Variants in GABRG3 observed in about 807,000 individuals in gnomAD.
The protein encoded by GABRG3 is gamma-aminobutyric acid receptor subunit gamma-3.
Under a neutral mutation model 48.8 loss-of-function variants are expected in GABRG3, and 25 were observed. That is an observed-to-expected ratio of 0.51 (90% CI 0.37 to 0.72). The LOEUF is 0.72. Ranked by LOEUF, GABRG3 falls within the 30% of genes least tolerant of loss-of-function variation. GABRG3 has a pLI of 0.00. For synonymous variants in GABRG3, 227 were observed against 217.6 expected, an observed-to-expected ratio of 1.04 and a Z score of -0.38; for missense variants, 394 against 577.9, an observed-to-expected ratio of 0.68 and a Z score of 3.26.
At chr15:27,214,694 ATTT>A (rs58631276) in intron 3 of GABRG3, among the ~76,000 whole-genome samples, 61 of 145,854 alleles carry the variant, frequency 4.2e-4, no homozygotes, top group Admixed American at 1.6e-3. Context: ...TCACATCCAC[ATTT>A]TTTTTTTTTT....
At chr15:27,291,477 A>G (rs936842639) in intron 3 of GABRG3, among the ~76,000 whole-genome samples, 4 of 152,226 alleles carry the variant, frequency 2.6e-5, no homozygotes, top group Non-Finnish European at 5.9e-5. Context: ...ATTCCCATCT[A>G]TGATCACTCC....
At chr15:27,351,003 TGTGTGTATG>T (rs1403044316) in intron 5 of GABRG3, among the ~76,000 whole-genome samples, 1 of 149,824 alleles carries the variant, frequency 6.7e-6, no homozygotes, top group African/African-American at 2.5e-5. Context: ...TGCATTTACT[TGTGTGTATG>T]GTGTGTATGA....
At chr15:27,370,607 A>G (rs1895377636) in intron 5 of GABRG3, among the ~76,000 whole-genome samples, 2 of 152,170 alleles carry the variant, frequency 1.3e-5, no homozygotes, top group African/African-American at 4.8e-5. Flanking sequence ...TCAGGAGACC[A>G]CCTCAGAGGA....
chr15:27,128,000 C>G (rs1897850775), intron 3 of GABRG3, among the ~76,000 whole-genome samples: 1 of 152,094 alleles, frequency 6.6e-6, no homozygotes, highest in Admixed American at 6.5e-5. Context: ...GGAAATGTGA[C>G]CTGGGTATGG....
rs576526296 is a variant in GABRG3, at chr15:27,539,528, C to T, written c.*6647C>T. The stretch of plus-strand genomic sequence containing the variant: ...TAACCCACTGTCAGCTTCCAATTTT[C>T]AGGAGCAAATGATGACTGCTTTGAT... On this transcript the variant is annotated 3_prime_UTR_variant, in exon 10 of 10. Transcript: ENST00000615808. The T allele has an allele frequency of 3.0e-4, 46 of 152,326 alleles. No individual in the cohort carries two copies. Among genetic ancestry groups the T allele is most frequent in the African/African-American group, 1.1e-3 (45 of 41,564 alleles). The allele number at this position is 152,326 out of a possible 1,614,324, so 9.4% of individuals were successfully genotyped here.
chr15:27,409,177 A>G (rs1349481247), intron 5 of GABRG3, among the ~76,000 whole-genome samples: 1 of 152,106 alleles, frequency 6.6e-6, no homozygotes, highest in East Asian at 1.9e-4. Flanking sequence ...CTAAAAATTC[A>G]TTGTCTAGAC....
chr15:27,453,648 C>G (rs1001934726), intron 5 of GABRG3, among the ~76,000 whole-genome samples: 2 of 152,194 alleles, frequency 1.3e-5, no homozygotes, highest in African/African-American at 2.4e-5. Context: ...GTCACCTAGG[C>G]TGGAGTGCAA....
chr15:27,528,054 T>C, intron 9 of GABRG3, 62 bp downstream of exon 9: 1 of 1,228,948 alleles, frequency 8.1e-7, no homozygotes, highest in Non-Finnish European at 1.2e-6. Context: ...AGATTGCATT[T>C]GAAAGATAGA....
intron 3 of GABRG3, among the ~76,000 whole-genome samples, chr15:27,116,296 G>A (rs778770421): frequency 2.0e-5 from 3 of 152,150 alleles, no homozygotes; most frequent in Admixed American, 6.5e-5. Flanking sequence ...CAAAGAGAGA[G>A]TTTTTGTCAT....
At chr15:27,308,397 A>ATAAACATTTGTTTAT (rs914699128) in intron 3 of GABRG3, among the ~76,000 whole-genome samples, 3 of 145,318 alleles carry the variant, frequency 2.1e-5, no homozygotes, top group Non-Finnish European at 4.5e-5. Context: ...ATAAACATAT[A>ATAAACATTTGTTTAT]ATATAAACAT....
chr15:27,248,599 C>T (rs1211329947), intron 3 of GABRG3, among the ~76,000 whole-genome samples: 1 of 152,112 alleles, frequency 6.6e-6, no homozygotes, highest in East Asian at 1.9e-4. Context: ...AAGTTAAATG[C>T]TCTGTCAGCC....
intron 2 of GABRG3, among the ~76,000 whole-genome samples, chr15:26,994,277 C>T (rs1895300476): frequency 6.6e-6 from 1 of 151,342 alleles, no homozygotes; most frequent in East Asian, 1.9e-4. Flanking sequence ...TGCAGTCTTC[C>T]TTTCCTTCCT....
chr15:27,520,147 C>T, intron 7 of GABRG3, 23 bp downstream of exon 7: 1 of 1,579,264 alleles, frequency 6.3e-7, no homozygotes, highest in Non-Finnish European at 8.6e-7. Flanking sequence ...AAATCTCTTC[C>T]ACAAATTTGC....
intron 3 of GABRG3, among the ~76,000 whole-genome samples, chr15:27,253,535 G>A (rs1890525135): frequency 6.6e-6 from 1 of 152,248 alleles, no homozygotes; most frequent in East Asian, 1.9e-4. Flanking sequence ...GTCCCTGGGA[G>A]TATTGATGCC....
chr15:27,150,074 A>G (rs1182108647), intron 3 of GABRG3, among the ~76,000 whole-genome samples: 1 of 152,098 alleles, frequency 6.6e-6, no homozygotes, highest in Non-Finnish European at 1.5e-5. Flanking sequence ...TCAATTAACT[A>G]CCCCTTACTC....
intron 2 of GABRG3, among the ~76,000 whole-genome samples, chr15:27,016,544 A>C (rs1241778466): frequency 2.0e-5 from 3 of 152,002 alleles, no homozygotes; most frequent in African/African-American, 7.2e-5. Flanking sequence ...ATTGTCTGTG[A>C]CTTTTGACAG....
chr15:27,353,323 TC>T (rs1894695227), intron 5 of GABRG3, among the ~76,000 whole-genome samples: 1 of 152,158 alleles, frequency 6.6e-6, no homozygotes, highest in African/African-American at 2.4e-5. Flanking sequence ...CGCATGTGTG[TC>T]CTACACTTGC....
chr15:27,064,038 C>G (rs1896696155), intron 3 of GABRG3, among the ~76,000 whole-genome samples: 1 of 152,188 alleles, frequency 6.6e-6, no homozygotes, highest in South Asian at 2.1e-4. Context: ...TTTGGAGACG[C>G]AGTAGATTCG....
rs149411783 is a variant in GABRG3 at position 27,314,096 on chromosome 15, G to A, written c.271-12713G>A. 3.9e-5 allele frequency among the ~76,000 whole-genome samples: 6 copies of A among 152,034 alleles called. No homozygotes were observed. The East Asian group carries it at 7.7e-4, about 20-fold the overall frequency. The stretch of plus-strand genomic sequence containing the variant: ...AAGAAAAGAAAGAAAAAAGAAGCTC[G>A]ATAATGAAAATCAGAAATAAATAAA... On this transcript the variant is annotated intron_variant, in intron 3 of 9. Transcript: ENST00000615808.
Sources: gnomAD v4.1 joint callset for allele counts (sites outside exome capture counted in the v4.1 genomes callset) on GRCh38, gnomAD v4.1.1 for gene constraint, MANE v1.5 for transcripts, NCBI Gene and HGNC (gene_info 2026-07-23, HGNC 2026-07-21) for gene names.